ZFP64: variants seen among roughly 807,000 people sequenced by gnomAD.
ZFP64 encodes the protein zinc finger protein 64.
In ZFP64, 14 loss-of-function variants were observed where a neutral mutation model predicts 51.6. The observed-to-expected ratio is 0.27, with a 90% CI of 0.18 to 0.42. ZFP64 has a LOEUF of 0.42. ZFP64 is among the 10% of genes least tolerant of loss of function. ZFP64 has a pLI of 1.00. For missense variants in ZFP64, 754 were observed against 906.8 expected (o/e 0.83, Z 2.16); for synonymous variants, 375 against 361.4 (o/e 1.04, Z -0.43).
intron 5 of ZFP64, among the ~76,000 whole-genome samples, chr20:52,123,900 C>T (rs970619718): frequency 6.6e-6 from 1 of 151,620 alleles, no homozygotes; most frequent in African/African-American, 2.4e-5. Flanking sequence ...GGCAGAGTGT[C>T]GCTCTGTCAC....
At position 52,151,444 on chromosome 20, in the gene ZFP64, G is replaced by A. The variant is rs1688025018; in HGVS notation, c.*702C>T. 3 of 985,344 alleles carry A rather than the reference G, an allele frequency of 3.0e-6. No homozygotes were observed. The highest frequency in any genetic ancestry group is 9.4e-5 in the South Asian group (2 of 21,288). 61.0% of individuals were successfully genotyped at this position (985,344 alleles called of 1,614,324 possible). A position where few individuals can be genotyped will look rare whatever the true frequency, so the allele number is the denominator to read the frequency against. On this transcript the variant is annotated 3_prime_UTR_variant, in exon 6 of 6. Transcript: ENST00000216923. ...CATGAACACCCCCAAACTCTGGGGA[G>A]TATTCCAGAATGGGGCAAAAGAGAG...
At chr20:52,117,298 C>A (rs1600722889) in intron 5 of ZFP64, among the ~76,000 whole-genome samples, 1 of 151,990 alleles carries the variant, frequency 6.6e-6, no homozygotes, top group Non-Finnish European at 1.5e-5. Context: ...TTGAGACACA[C>A]TGGCATCAGA....
chr20:52,097,113 TA>T (rs10715971), intron 7 of ZFP64: 418,226 of 691,286 alleles, frequency 0.6, 120,747 homozygotes, highest in African/African-American at 0.85. Context: ...CTGGCTGCCC[TA>T]AAAAAAAAAG....
chr20:52,155,485 T>C (rs1480926303), intron 5 of ZFP64, among the ~76,000 whole-genome samples: 1 of 152,200 alleles, frequency 6.6e-6, no homozygotes, highest in South Asian at 2.1e-4. Context: ...GTTTTCCAGT[T>C]ATATCCCTGT....
Position 52,151,688 on chromosome 20 carries a change from A to G in ZFP64, c.*458T>C. On this transcript the variant is annotated 3_prime_UTR_variant, in exon 6 of 6. Transcript: ENST00000216923. ...AAGTTGTTACAGTGTTAAAAAAATT[A>G]TAGTAAGCAGTATAAAATTACAATT... The G allele has an allele frequency of 4.0e-6, 4 of 993,658 alleles. No homozygotes were observed. The highest frequency in any genetic ancestry group is 4.8e-6 in the Non-Finnish European group (4 of 834,158). 61.6% of individuals were successfully genotyped at this position (993,658 alleles called of 1,614,324 possible). A position where few individuals can be genotyped will look rare whatever the true frequency, so the allele number is the denominator to read the frequency against.
At chr20:52,099,391 A>G (rs1181077637) in intron 5 of ZFP64, among the ~76,000 whole-genome samples, 1 of 152,192 alleles carries the variant, frequency 6.6e-6, no homozygotes, top group Non-Finnish European at 1.5e-5. Context: ...AAAAGGTCAC[A>G]GACCACACAT....
Position 52,086,651 on chromosome 20 carries a change from T to G in ZFP64, c.1229-1385A>C, listed in dbSNP as rs185576453. Among the ~76,000 whole-genome samples, 1,046 of 152,194 alleles carry G rather than the reference T, an allele frequency of 6.9e-3. 15 individuals carry two copies. Among genetic ancestry groups the G allele is most frequent in the South Asian group, 0.047 (227 of 4,816 alleles). ...CGCCACCACGCCCAGCTAATTTTTT[T>G]GTATTTTTAGTAGAGACGGGGTTTC... On this transcript the variant is annotated intron_variant, in intron 8 of 8. Coordinates refer to the ZFP64 transcript ENST00000361387.
At chr20:52,099,146 T>C (rs2064726) in intron 5 of ZFP64, among the ~76,000 whole-genome samples, 96,102 of 151,870 alleles carry the variant, frequency 0.63, 30,783 homozygotes, top group Non-Finnish European at 0.69. Context: ...AAAAAACATA[T>C]GAGTACTTCT....
intron 7 of ZFP64, among the ~76,000 whole-genome samples, chr20:52,090,979 C>T (rs947895365): frequency 6.7e-6 from 1 of 148,418 alleles, no homozygotes; most frequent in African/African-American, 2.5e-5. Context: ...GTGGTATACC[C>T]TTGTAGTCCC....
chr20:52,176,003 G>A (rs1373148723), intron 2 of ZFP64: 17 of 983,846 alleles, frequency 1.7e-5, no homozygotes, highest in Non-Finnish European at 2.1e-5. Flanking sequence ...GGTGAGTGGC[G>A]CTGCCCTGTT....
At chr20:52,114,048 C>G (rs188049720) in intron 5 of ZFP64, among the ~76,000 whole-genome samples, 3 of 152,106 alleles carry the variant, frequency 2.0e-5, no homozygotes, top group Non-Finnish European at 4.4e-5. Flanking sequence ...ACAGCAAAGA[C>G]TCTTTTAAGC....
At chr20:52,102,663 AAC>A (rs112562743) in intron 5 of ZFP64, among the ~76,000 whole-genome samples, 2,180 of 152,328 alleles carry the variant, frequency 0.014, 50 homozygotes, top group African/African-American at 0.049. Context: ...GGCACTGTAT[AAC>A]ACAGTGGTTT....
In ZFP64 at chr20:52,097,413, AT is replaced by A; in HGVS notation, c.935del (p.His312LeufsTer3). The stretch of plus-strand genomic sequence containing the variant: ...GATGGCGGTCCAAGTCTTTCATGCC[AT>A]GGACAGTTTTGAAGTGGCAACCTAG... On this transcript the variant is annotated frameshift_variant, in exon 7 of 9. Transcript: ENST00000361387. LOFTEE classifies it high-confidence loss of function. 1 of 1,612,136 alleles carries A rather than the reference AT, an allele frequency of 6.2e-7. No homozygotes were observed. Among genetic ancestry groups the A allele is most frequent in the Non-Finnish European group, 8.5e-7 (1 of 1,179,560 alleles).
intron 5 of ZFP64, among the ~76,000 whole-genome samples, chr20:52,116,974 G>A (rs903679295): frequency 6.6e-6 from 1 of 152,114 alleles, no homozygotes; most frequent in Non-Finnish European, 1.5e-5. Flanking sequence ...GGAGGCTGAG[G>A]CAGAAGAATC....
intron 5 of ZFP64, among the ~76,000 whole-genome samples, chr20:52,122,524 A>G (rs1274317796): frequency 1.3e-5 from 2 of 150,290 alleles, no homozygotes; most frequent in Non-Finnish European, 3.0e-5. Context: ...AAAAAAAAAG[A>G]AATACATTTT....
chr20:52,163,308 C>T (rs1438799808), intron 4 of ZFP64, among the ~76,000 whole-genome samples: 3 of 152,086 alleles, frequency 2.0e-5, no homozygotes, highest in Non-Finnish European at 4.4e-5. Context: ...TTGCGGTGAG[C>T]CAAGATTGAA....
chr20:52,133,813 G>A (rs116433865), intron 5 of ZFP64, among the ~76,000 whole-genome samples: 22 of 152,052 alleles, frequency 1.4e-4, no homozygotes, highest in Non-Finnish European at 2.9e-4. Context: ...TAGATCACTT[G>A]AGTCTAGGAG....
chr20:52,121,478 G>A (rs1027458321), intron 5 of ZFP64, among the ~76,000 whole-genome samples: 8 of 152,110 alleles, frequency 5.3e-5, no homozygotes, highest in African/African-American at 1.2e-4. Context: ...ATGCTTCTAC[G>A]CCAAAGCCTA....
Position 52,152,527 on chromosome 20 carries a change from C to G in ZFP64, c.1665G>C (p.Ser555=). 1 of 1,596,872 alleles carries G rather than the reference C, an allele frequency of 6.3e-7. No individual in the cohort carries two copies. The highest frequency in any genetic ancestry group is 1.3e-5 in the African/African-American group (1 of 74,900). ...QVSLIAPPQS[S]RCPSEAGAMT... ...TTGCGCCCGCCTCGCTCGGACACCG[C>G]GAGGACTGAGGGGGGGCGATCAGAC... Residue 555 remains serine (S), a synonymous_variant, in exon 6 of 6, where the codon TCG becomes TCC. Transcript: ENST00000216923.
Sources: allele counts gnomAD v4.1 joint callset (sites outside exome capture counted in the v4.1 genomes callset), GRCh38; gene constraint gnomAD v4.1.1; transcripts MANE v1.5; gene names NCBI Gene and HGNC (gene_info 2026-07-23, HGNC 2026-07-21).